The following LRRC28 variants were observed in gnomAD, a reference collection of about 807,000 sequenced individuals.
LRRC28 encodes the protein leucine rich repeat containing 28.
LRRC28 carries 39 observed loss-of-function variants against 45.7 expected under a neutral mutation model. The ratio of observed to expected loss-of-function variants is 0.85; its 90% confidence interval spans 0.66 to 1.12. The LOEUF is 1.12. LRRC28 is among the 50% of genes most tolerant of loss of function. The probability of loss-of-function intolerance (pLI) is 0.00; values close to 1 mark genes in which losing one functional copy is unlikely to be tolerated. For missense variants in LRRC28, 435 were observed against 438.5 expected (o/e 0.99, Z 0.07); for synonymous variants, 206 against 178.8 (o/e 1.15, Z -1.22).
In LRRC28 at chr15:99,334,043, T is replaced by C; in HGVS notation, c.506T>C (p.Leu169Pro). The change falls in exon 6 of 10, where the codon CTA (leucine) becomes CCA (proline). Residue 169 changes from leucine (L) to proline (P), a missense_variant. Coordinates refer to ENST00000301981, the MANE Select transcript of LRRC28 (RefSeq NM_144598.5). ...LQYLTVDRNR[L>P]WYVPRHLCQL... is the part of the protein sequence containing the mutation. ...TACCTCACTGTGGACCGAAATCGTC[T>C]ATGGTATGTGCCGCGCCATCTCTGC... 2 of 1,614,160 alleles carry C rather than the reference T, an allele frequency of 1.2e-6. No individual in the cohort carries two copies. The highest frequency in any genetic ancestry group is 2.2e-5 in the South Asian group (2 of 91,084).
intron 9 of LRRC28, among the ~76,000 whole-genome samples, chr15:99,380,600 T>C (rs556282063): frequency 6.6e-6 from 1 of 152,294 alleles, no homozygotes; most frequent in East Asian, 1.9e-4. Context: ...TTATTTTGCT[T>C]GTTAGTTGAT....
At chr15:99,367,385 T>C (rs1433756456) in intron 9 of LRRC28, among the ~76,000 whole-genome samples, 1 of 152,150 alleles carries the variant, frequency 6.6e-6, no homozygotes, top group African/African-American at 2.4e-5. Context: ...CCACGTCTGG[T>C]GAGGGCCATC....
chr15:99,285,805 A>C (rs1399715498), intron 3 of LRRC28: 1 of 455,138 alleles, frequency 2.2e-6, no homozygotes, highest in Non-Finnish European at 4.2e-6. Context: ...TGTTGAAAAA[A>C]ATTTTTTTAA....
chr15:99,302,216 A>T (rs1332461795), intron 5 of LRRC28, among the ~76,000 whole-genome samples: 2 of 151,544 alleles, frequency 1.3e-5, no homozygotes, highest in African/African-American at 4.9e-5. Context: ...TTTAGTAGAG[A>T]TGGGGTTTCA....
chr15:99,347,539 T>G (rs1956733392), intron 6 of LRRC28, among the ~76,000 whole-genome samples: 1 of 152,242 alleles, frequency 6.6e-6, no homozygotes, highest in Non-Finnish European at 1.5e-5. Flanking sequence ...TGTGCAATAT[T>G]TTTCTTTGTA....
chr15:99,382,147 G>A (rs1455399510), intron 9 of LRRC28, among the ~76,000 whole-genome samples: 1 of 152,248 alleles, frequency 6.6e-6, no homozygotes, highest in East Asian at 1.9e-4. Context: ...TACAGAGGTA[G>A]GCAGGCCTCC....
intron 5 of LRRC28, among the ~76,000 whole-genome samples, chr15:99,304,039 A>G (rs777127552): frequency 1.2e-4 from 19 of 152,194 alleles, no homozygotes; most frequent in Non-Finnish European, 2.1e-4. Flanking sequence ...GTACGGATAT[A>G]CTAGGGACCG....
intron 9 of LRRC28, among the ~76,000 whole-genome samples, chr15:99,378,553 C>T (rs887659904): frequency 1.3e-5 from 2 of 152,160 alleles, no homozygotes; most frequent in African/African-American, 4.8e-5. Context: ...CCTGATTGCC[C>T]TGGCCAGAAC....
chr15:99,292,374 T>TC (rs1184984354), intron 5 of LRRC28, among the ~76,000 whole-genome samples: 1 of 150,876 alleles, frequency 6.6e-6, no homozygotes, highest in Non-Finnish European at 1.5e-5. Context: ...TTTTTTTTTT[T>TC]TGAAACGGAG....
intron 1 of LRRC28, among the ~76,000 whole-genome samples, chr15:99,253,005 A>G (rs534420356): frequency 6.6e-6 from 1 of 152,228 alleles, no homozygotes; most frequent in Non-Finnish European, 1.5e-5. Context: ...TTTATTGACA[A>G]TAGACAGATG....
In LRRC28 at chr15:99,386,098, G is replaced by A; in HGVS notation, c.1100G>A (p.Ser367Asn). 4 of 1,613,844 alleles carry A rather than the reference G, an allele frequency of 2.5e-6. No individual in the cohort carries two copies. The highest frequency in any genetic ancestry group is 2.5e-6 in the Non-Finnish European group (3 of 1,179,778). The change falls in exon 10 of 10, where the codon AGT becomes AAT. Residue 367 changes from serine (S) to asparagine (N), a missense_variant. By Grantham distance (46) the Ser-to-Asn change is conservative. Transcript: ENST00000301981. ...TQCLQTFDLL[S>N] ...TGTCTGCAGACTTTTGACCTGCTGA[G>A]TTGATAAACACTCAAGAACCTCAGG...
chr15:99,309,923 T>C (rs1459055583), intron 5 of LRRC28, among the ~76,000 whole-genome samples: 1 of 152,192 alleles, frequency 6.6e-6, no homozygotes, highest in Non-Finnish European at 1.5e-5. Context: ...TTAAAAACCA[T>C]TTCCCACTAA....
chr15:99,266,508 T>G (rs4965466), intron 2 of LRRC28, among the ~76,000 whole-genome samples: 9,026 of 152,142 alleles, frequency 0.059, 335 homozygotes, highest in Admixed American at 0.12. Flanking sequence ...TTAAGGATAA[T>G]TAATACCCAG....
chr15:99,258,303 A>T (rs906102109), intron 2 of LRRC28: 3 of 1,514,786 alleles, frequency 2.0e-6, no homozygotes, highest in Admixed American at 3.3e-5. Context: ...TCTGAATCCA[A>T]TGAATATTCT....
intron 7 of LRRC28, among the ~76,000 whole-genome samples, chr15:99,359,300 G>A (rs551509051): frequency 4.8e-4 from 73 of 152,286 alleles, no homozygotes; most frequent in African/African-American, 1.6e-3. Flanking sequence ...AAATATTTCA[G>A]TGCATATGAC....
chr15:99,333,795 A>G, intron 5 of LRRC28, 128 bp from the exon 6 acceptor site: 1 of 954,278 alleles, frequency 1.0e-6, no homozygotes, highest in Non-Finnish European at 1.6e-6. Flanking sequence ...CCTGCACTTC[A>G]GCATTCATGT....
chr15:99,297,200 A>AAG (rs2082287863), intron 5 of LRRC28: 1 of 152,090 alleles, frequency 6.6e-6, no homozygotes, highest in African/African-American at 2.4e-5. Context: ...AAAAAAAAAA[A>AAG]TATCTACCAG....
rs14511 is a variant in LRRC28 at position 99,258,328 on chromosome 15, A to T, written c.168+2203A>T. The T allele has an allele frequency of 4.1e-6, 6 of 1,456,672 alleles. No homozygotes were observed. In the African/African-American group the frequency reaches 8.3e-5, roughly 20 times the overall value. 90.2% of individuals were successfully genotyped at this position (1,456,672 alleles called of 1,614,324 possible). A position where few individuals can be genotyped will look rare whatever the true frequency, so the allele number is the denominator to read the frequency against. ...ATGAATATTCTGTAATTGCTGACCC[A>T]AGAGGAAACACTCTAGGACGGGGAA... On this transcript the variant is annotated intron_variant, in intron 2 of 9. Coordinates refer to ENST00000301981, the MANE Select transcript of LRRC28 (RefSeq NM_144598.5).
intron 3 of LRRC28, among the ~76,000 whole-genome samples, chr15:99,279,749 A>G (rs1446952992): frequency 1.3e-5 from 2 of 152,204 alleles, no homozygotes; most frequent in African/African-American, 4.8e-5. Flanking sequence ...TATTATGGTA[A>G]GCCTTAGGTT....
Sources: allele counts gnomAD v4.1 joint callset (sites outside exome capture counted in the v4.1 genomes callset), GRCh38; gene constraint gnomAD v4.1.1; transcripts MANE v1.5; gene names NCBI Gene and HGNC (gene_info 2026-07-23, HGNC 2026-07-21).